Variants in DOK5 observed in about 807,000 individuals in gnomAD.
The protein encoded by DOK5 is downstream of tyrosine kinase 5.
A neutral mutation model predicts 43.3 loss-of-function variants in DOK5; 27 were observed. That is an observed-to-expected ratio of 0.62 (90% CI 0.46 to 0.86). The LOEUF is 0.86. Ranked by LOEUF, DOK5 falls within the 40% of genes least tolerant of loss-of-function variation. The probability of loss-of-function intolerance (pLI) is 0.00; values close to 1 mark genes in which losing one functional copy is unlikely to be tolerated. For synonymous variants in DOK5, 146 were observed against 140.1 expected (o/e 1.04, Z -0.30); for missense variants, 373 against 392.9 (o/e 0.95, Z 0.43).
chr20:54,552,905 C>T (rs1204250255), intron 1 of DOK5, among the ~76,000 whole-genome samples: 1 of 152,142 alleles, frequency 6.6e-6, no homozygotes, highest in Admixed American at 6.5e-5. Context: ...AACTTGAATT[C>T]CTCACCCATC....
chr20:54,496,721 G>A (rs1324332181), intron 1 of DOK5, among the ~76,000 whole-genome samples: 6 of 134,024 alleles, frequency 4.5e-5, no homozygotes, highest in South Asian at 2.3e-4. Context: ...AGCCGAGATC[G>A]CACCACTGCA....
intron 1 of DOK5, among the ~76,000 whole-genome samples, chr20:54,547,758 A>G (rs1984396803): frequency 6.6e-6 from 1 of 152,216 alleles, no homozygotes. Flanking sequence ...TTTTCATGTA[A>G]CTACTAAATC....
chr20:54,617,342 T>G (rs1017333665), intron 6 of DOK5, among the ~76,000 whole-genome samples: 6 of 152,160 alleles, frequency 3.9e-5, no homozygotes, highest in Non-Finnish European at 7.3e-5. Context: ...TTTTTTCTTT[T>G]TTTTTGGAGA....
At chr20:54,564,710 G>A (rs750682171) in intron 2 of DOK5, among the ~76,000 whole-genome samples, 2 of 152,162 alleles carry the variant, frequency 1.3e-5, no homozygotes, top group African/African-American at 2.4e-5. Flanking sequence ...TAACATCTAC[G>A]GGGGCAGGAG....
At chr20:54,584,448 C>G (rs1239673083) in intron 2 of DOK5, among the ~76,000 whole-genome samples, 4 of 151,526 alleles carry the variant, frequency 2.6e-5, no homozygotes, top group Non-Finnish European at 4.4e-5. Context: ...AAAAGCTGAA[C>G]TATTCCACCA....
chr20:54,535,787 G>A (rs1983942564), intron 1 of DOK5, among the ~76,000 whole-genome samples: 1 of 152,052 alleles, frequency 6.6e-6, no homozygotes, highest in Admixed American at 6.6e-5. Context: ...TTAAAAGAAT[G>A]TTTCTCTTAA....
Position 54,588,591 on chromosome 20 carries a change from G to C in DOK5, c.283G>C (p.Glu95Gln), listed in dbSNP as rs749390006. ...NDDTSKTFAC[E>Q]SDLEADEWCK... Reference sequence around the variant, plus strand: ...CGATACCTCCAAGACTTTTGCTTGCGAATCAGGTTTGTCTCAGGCAGGGCT... The same window carrying C: ...CGATACCTCCAAGACTTTTGCTTGCCAATCAGGTTTGTCTCAGGCAGGGCT... Residue 95 changes from glutamate to glutamine, a missense_variant, in exon 3 of 8, where the codon GAA becomes CAA. Coordinates refer to ENST00000262593, the MANE Select transcript of DOK5 (RefSeq NM_018431.5). 1.2e-6 allele frequency: 2 copies of C among 1,614,120 alleles called. No homozygotes were observed. Among genetic ancestry groups the C allele is most frequent in the Admixed American group, 1.7e-5 (1 of 60,026 alleles).
intron 6 of DOK5, among the ~76,000 whole-genome samples, chr20:54,632,836 G>C (rs1237917307): frequency 6.6e-6 from 1 of 152,044 alleles, no homozygotes; most frequent in African/African-American, 2.4e-5. Flanking sequence ...CAGCACTTTG[G>C]GAGGCCAAGG....
At chr20:54,508,940 G>A (rs183221748) in intron 1 of DOK5, among the ~76,000 whole-genome samples, 31 of 151,408 alleles carry the variant, frequency 2.0e-4, no homozygotes, top group Middle Eastern at 3.4e-3. Context: ...GCAGTGACAC[G>A]ATCTCGGCTC....
intron 2 of DOK5, among the ~76,000 whole-genome samples, chr20:54,575,405 G>T (rs1278181943): frequency 6.6e-6 from 1 of 152,094 alleles, no homozygotes; most frequent in Non-Finnish European, 1.5e-5. Context: ...TTTCTTAGTT[G>T]TGTAAATGGC....
chr20:54,626,964 CAG>C (rs1444588554), intron 6 of DOK5, among the ~76,000 whole-genome samples: 3 of 152,188 alleles, frequency 2.0e-5, no homozygotes, highest in African/African-American at 7.2e-5. Context: ...ACTGAAACAG[CAG>C]AGTCGAGTAG....
chr20:54,520,158 G>A (rs1231561313), intron 1 of DOK5, among the ~76,000 whole-genome samples: 9 of 152,006 alleles, frequency 5.9e-5, no homozygotes, highest in South Asian at 4.1e-4. Flanking sequence ...AACCCTCCCC[G>A]TAAGTCCTTG....
chr20:54,618,664 C>A (rs1188334412), intron 6 of DOK5, among the ~76,000 whole-genome samples: 1 of 152,024 alleles, frequency 6.6e-6, no homozygotes, highest in African/African-American at 2.4e-5. Context: ...TTTCAAATGA[C>A]CTTGATAATC....
At chr20:54,518,834 C>T (rs1485894257) in intron 1 of DOK5, among the ~76,000 whole-genome samples, 1 of 151,348 alleles carries the variant, frequency 6.6e-6, no homozygotes, top group Non-Finnish European at 1.5e-5. Flanking sequence ...CCAGAATCTA[C>T]AATGAACTCA....
At chr20:54,617,986 C>A (rs988503659) in intron 6 of DOK5, among the ~76,000 whole-genome samples, 1 of 152,172 alleles carries the variant, frequency 6.6e-6, no homozygotes, top group Admixed American at 6.5e-5. Flanking sequence ...CACTCTCATT[C>A]ATTTGACCAT....
In DOK5 at chr20:54,500,557, A is replaced by ATTTTTTT. The variant is rs545357915; in HGVS notation, c.66+24560_66+24566dup. Among the ~76,000 whole-genome samples the ATTTTTTT allele has an allele frequency of 1.6e-4, 18 of 115,456 alleles. 2 individuals carry two copies. Among genetic ancestry groups the ATTTTTTT allele is most frequent in the African/African-American group, 5.7e-4 (17 of 29,726 alleles). 75.7% of individuals were successfully genotyped at this position (115,456 alleles called of 152,430 possible). A position where few individuals can be genotyped will look rare whatever the true frequency, so the allele number is the denominator to read the frequency against. On this transcript the variant is annotated intron_variant, in intron 1 of 7. Coordinates refer to ENST00000262593, the MANE Select transcript of DOK5 (RefSeq NM_018431.5). ...ATATTTACAATGTCATACCCAGTGT[A>ATTTTTTT]TTTTTTTTTTTTTTTTTTTTTGAGA...
At chr20:54,633,283 G>T (rs1404671427) in intron 6 of DOK5, among the ~76,000 whole-genome samples, 1 of 152,160 alleles carries the variant, frequency 6.6e-6, no homozygotes, top group East Asian at 1.9e-4. Flanking sequence ...AGAATAAGTA[G>T]GCAGAACCCA....
intron 6 of DOK5, among the ~76,000 whole-genome samples, chr20:54,631,094 G>A (rs1173041520): frequency 2.0e-5 from 3 of 152,198 alleles, no homozygotes; most frequent in African/African-American, 7.2e-5. Context: ...GTAGAAGACA[G>A]TATTTAGGAA....
intron 1 of DOK5, among the ~76,000 whole-genome samples, chr20:54,489,297 G>T (rs1439055768): frequency 6.6e-6 from 1 of 152,122 alleles, no homozygotes; most frequent in Non-Finnish European, 1.5e-5. Context: ...AAAGAGTAGA[G>T]TTTCCTTTCA....
Sources: allele counts gnomAD v4.1 joint callset (sites outside exome capture counted in the v4.1 genomes callset), GRCh38; gene constraint gnomAD v4.1.1; transcripts MANE v1.5; gene names NCBI Gene and HGNC (gene_info 2026-07-23, HGNC 2026-07-21).